RYR2: variants seen among roughly 807,000 people sequenced by gnomAD.
The protein encoded by RYR2 is ryanodine receptor 2.
In RYR2, 227 loss-of-function variants were observed where a neutral mutation model predicts 601.1. The observed-to-expected ratio is 0.38, with a 90% CI of 0.34 to 0.42. The LOEUF (loss-of-function observed/expected upper bound fraction) is 0.42. Among genes scored for constraint, RYR2 ranks in the 10% least tolerant of loss-of-function variants. The pLI is 1.00. For missense variants in RYR2, 4,646 were observed against 6,156.5 expected (o/e 0.75, Z 8.21); for synonymous variants, 2,223 against 2,175.1 (o/e 1.02, Z -0.61).
intron 19 of RYR2, 88 bp from the exon 20 acceptor site, chr1:237,496,423 A>G: frequency 6.5e-7 from 1 of 1,547,234 alleles, no homozygotes; most frequent in Non-Finnish European, 8.8e-7. Context: ...AATTAAATGA[A>G]ATACACAAGT....
intron 10 of RYR2, among the ~76,000 whole-genome samples, chr1:237,403,436 A>G (rs1703569035): frequency 6.6e-6 from 1 of 152,118 alleles, no homozygotes; most frequent in South Asian, 2.1e-4. Context: ...ACTTTATTTA[A>G]TTTACTTTGG....
chr1:237,590,538 C>A (rs188952099), intron 30 of RYR2, 102 bp from the exon 31 acceptor site: 2 of 854,144 alleles, frequency 2.3e-6, no homozygotes, highest in Non-Finnish European at 3.6e-6. Context: ...ATGTGTGGAC[C>A]GCATTTGGGA....
intron 1 of RYR2, among the ~76,000 whole-genome samples, chr1:237,230,228 A>G (rs1003871915): frequency 6.6e-6 from 1 of 152,242 alleles, no homozygotes; most frequent in Non-Finnish European, 1.5e-5. Flanking sequence ...GGGGAAATGT[A>G]ACTGTAATGA....
intron 1 of RYR2, among the ~76,000 whole-genome samples, chr1:237,213,630 A>AT (rs1167350212): frequency 2.0e-5 from 3 of 152,130 alleles, no homozygotes; most frequent in Non-Finnish European, 4.4e-5. Flanking sequence ...ATAAGATAAG[A>AT]TTATTTACCC....
chr1:237,547,127 T>C (rs887258473), intron 25 of RYR2, among the ~76,000 whole-genome samples: 2 of 151,530 alleles, frequency 1.3e-5, no homozygotes, highest in Non-Finnish European at 2.9e-5. Context: ...TGCCTCAGTC[T>C]CTCGAATAGC....
chr1:237,787,104 T>C (rs2149363356), intron 91 of RYR2, among the ~76,000 whole-genome samples: 1 of 152,234 alleles, frequency 6.6e-6, no homozygotes, highest in African/African-American at 2.4e-5. Context: ...CTAAAGGATA[T>C]CAAATGTCAA....
chr1:237,459,049 A>T (rs185005823), intron 16 of RYR2, among the ~76,000 whole-genome samples: 5 of 152,350 alleles, frequency 3.3e-5, no homozygotes, highest in African/African-American at 1.2e-4. Flanking sequence ...TTTTACCCAC[A>T]GTAACGATTG....
At position 237,733,769 on chromosome 1, in the gene RYR2, C is replaced by A. The variant is rs747650070; in HGVS notation, c.11091+13C>A. On this transcript the variant is annotated intron_variant, in intron 79 of 104. Coordinates refer to ENST00000366574, the MANE Select transcript of RYR2 (RefSeq NM_001035.3). Reference sequence around the variant, plus strand: ...TATTATGGCAAAGGTAAATAAGTATCCTTCCTGATTTTCATGTTTAATTTT... The same window carrying A: ...TATTATGGCAAAGGTAAATAAGTATACTTCCTGATTTTCATGTTTAATTTT... The A allele has an allele frequency of 1.3e-6, 2 of 1,545,714 alleles. No individual in the cohort carries two copies. Among genetic ancestry groups the A allele is most frequent in the East Asian group, 2.2e-5 (1 of 44,536 alleles).
At chr1:237,831,862 T>TTTCA (rs1553342873) in intron 104 of RYR2, among the ~76,000 whole-genome samples, 1 of 151,696 alleles carries the variant, frequency 6.6e-6, no homozygotes, top group Non-Finnish European at 1.5e-5. Context: ...GCATAATGTC[T>TTTCA]TTGTTTAATC....
rs1040630830 is a variant in RYR2, at chr1:237,566,694, G to T, written c.3342G>T (p.Arg1114Ser). 3 of 1,613,946 alleles carry T rather than the reference G, an allele frequency of 1.9e-6. No homozygotes were observed. The highest frequency in any genetic ancestry group is 3.3e-5 in the Admixed American group (2 of 60,024). The change falls in exon 28 of 105, where the codon AGG (arginine) becomes AGT (serine). Residue 1114 changes from arginine (R) to serine (S), a missense_variant. Physicochemically the swap from Arg to Ser is moderately radical, Grantham distance 110 (BLOSUM62 -1). Transcript: ENST00000366574. ...EFETVTAGDM[R>S]VGWSRPGCQP... The stretch of plus-strand genomic sequence containing the variant: ...AGACGGTCACTGCTGGAGACATGAG[G>T]GTTGGTTGGAGTCGTCCTGGTTGTC...
chr1:237,595,396 G>A, intron 33 of RYR2, 102 bp from the exon 34 acceptor site: 1 of 1,367,520 alleles, frequency 7.3e-7, no homozygotes, highest in Non-Finnish European at 1.0e-6. Flanking sequence ...TACAGCATGA[G>A]CTTGTTGCTT....
intron 100 of RYR2, among the ~76,000 whole-genome samples, chr1:237,811,829 A>G (rs906644497): frequency 2.6e-5 from 4 of 152,164 alleles, no homozygotes; most frequent in Admixed American, 1.3e-4. Context: ...GGTGTTTCAC[A>G]TGTGACTTTG....
intron 1 of RYR2, among the ~76,000 whole-genome samples, chr1:237,211,828 G>A (rs151084736): frequency 7.2e-5 from 11 of 152,284 alleles, no homozygotes; most frequent in Middle Eastern, 3.4e-3. Context: ...ACTCCAGACA[G>A]CATGATTTAT....
chr1:237,718,614 A>G, intron 73 of RYR2, 93 bp downstream of exon 73: 1 of 604,040 alleles, frequency 1.7e-6, no homozygotes, highest in South Asian at 2.7e-5. Flanking sequence ...TACTTTAAAC[A>G]TTAAGGTAAT....
intron 13 of RYR2, among the ~76,000 whole-genome samples, chr1:237,444,284 T>C (rs1961598): frequency 0.013 from 2,054 of 152,308 alleles, 40 homozygotes; most frequent in East Asian, 0.078. Context: ...CTCTCTTTGC[T>C]GTTCTATTTT....
At chr1:237,261,924 TA>T in intron 1 of RYR2, among the ~76,000 whole-genome samples, 1 of 152,336 alleles carries the variant, frequency 6.6e-6, no homozygotes, top group South Asian at 2.1e-4. Flanking sequence ...ATTTTTAGTT[TA>T]TTTTTTAAAA....
chr1:237,742,216 T>C, intron 79 of RYR2, 80 bp from the exon 80 acceptor site: 2 of 883,912 alleles, frequency 2.3e-6, no homozygotes, highest in South Asian at 1.6e-5. Flanking sequence ...TGATTTGCTC[T>C]TCTATGTCTA....
At position 237,794,468 on chromosome 1, in the gene RYR2, C is replaced by T. The variant is rs140683869; in HGVS notation, c.13913+471C>T. The stretch of plus-strand genomic sequence containing the variant: ...ATGAAACTAACTAAATATTAGGACA[C>T]GGTGTAAAATGTAAGACAGAAAAAC... On this transcript the variant is annotated intron_variant, in intron 95 of 104. Coordinates refer to ENST00000366574, the MANE Select transcript of RYR2 (RefSeq NM_001035.3). 1.9e-3 allele frequency among the ~76,000 whole-genome samples: 290 copies of T among 152,286 alleles called. 1 individual carries two copies. Among genetic ancestry groups the T allele is most frequent in the African/African-American group, 6.7e-3 (277 of 41,564 alleles).
chr1:237,412,243 A>T (rs1013735059), intron 10 of RYR2, among the ~76,000 whole-genome samples: 1 of 152,156 alleles, frequency 6.6e-6, no homozygotes, highest in African/African-American at 2.4e-5. Flanking sequence ...TATAATACTT[A>T]TGAGCAGCGG....
Sources: gnomAD v4.1 joint callset for allele counts (sites outside exome capture counted in the v4.1 genomes callset) on GRCh38, gnomAD v4.1.1 for gene constraint, MANE v1.5 for transcripts, NCBI Gene and HGNC (gene_info 2026-07-23, HGNC 2026-07-21) for gene names.